Variants in FARP1 observed in about 807,000 individuals in gnomAD.
FARP1 encodes FERM, ARHGEF and pleckstrin domain-containing protein 1.
A neutral mutation model predicts 128.8 loss-of-function variants in FARP1; 52 were observed. That is an observed-to-expected ratio of 0.40 (90% CI 0.32 to 0.51). The LOEUF (loss-of-function observed/expected upper bound fraction) is 0.51. Ranked by LOEUF, FARP1 falls within the 20% of genes least tolerant of loss-of-function variation. The pLI is 0.45. For missense variants in FARP1, 1,333 were observed against 1,367.9 expected, an observed-to-expected ratio of 0.97 and a Z score of 0.40; for synonymous variants, 580 against 551.8, an observed-to-expected ratio of 1.05 and a Z score of -0.72.
chr13:98,314,567 C>T (rs184894213), intron 2 of FARP1, among the ~76,000 whole-genome samples: 254 of 152,222 alleles, frequency 1.7e-3, no homozygotes, highest in Middle Eastern at 0.01. Context: ...CATGAGCCAC[C>T]GTGCCCAGCC....
At chr13:98,433,431 T>G (rs759543593) in intron 18 of FARP1, 1 of 152,122 alleles carries the variant, frequency 6.6e-6, no homozygotes, top group Non-Finnish European at 1.5e-5. Flanking sequence ...CATCTGTCTT[T>G]AAAACAAACC....
At chr13:98,388,587 C>T in intron 9 of FARP1, 109 bp downstream of exon 9, 3 of 797,372 alleles carry the variant, frequency 3.8e-6, no homozygotes, top group Non-Finnish European at 6.5e-6. Context: ...CTGGCCAGTG[C>T]TACCCAGGTG....
At chr13:98,213,451 A>G in intron 2 of FARP1, 38 bp downstream of exon 2, 1 of 1,600,444 alleles carries the variant, frequency 6.2e-7, no homozygotes, top group Non-Finnish European at 8.5e-7. Context: ...GGAGTGTGGT[A>G]GGGGACAGCC....
At chr13:98,323,895 A>G (rs114071471) in intron 2 of FARP1, among the ~76,000 whole-genome samples, 1,614 of 152,298 alleles carry the variant, frequency 0.011, 29 homozygotes, top group African/African-American at 0.036. Context: ...TTTAAAGCCT[A>G]TATGAGGAAG....
At chr13:98,178,270 A>G (rs1343180171) in intron 1 of FARP1, among the ~76,000 whole-genome samples, 1 of 140,252 alleles carries the variant, frequency 7.1e-6, no homozygotes, top group Non-Finnish European at 1.5e-5. Flanking sequence ...ATCCCGGCTC[A>G]CTGCAACCTC....
chr13:98,221,506 C>T (rs943144249), intron 2 of FARP1, among the ~76,000 whole-genome samples: 1 of 152,180 alleles, frequency 6.6e-6, no homozygotes, highest in African/African-American at 2.4e-5. Context: ...AAGAACCAAG[C>T]ACCACTTGGA....
intron 3 of FARP1, among the ~76,000 whole-genome samples, chr13:98,363,608 A>G (rs1888962531): frequency 2.0e-5 from 3 of 152,102 alleles, no homozygotes; most frequent in South Asian, 4.2e-4. Context: ...GCAACTCCAG[A>G]CCGCTCCTAT....
Position 98,380,648 on chromosome 13 carries a change from A to G in FARP1, c.496+2730A>G, listed in dbSNP as rs552692856. Among the ~76,000 whole-genome samples the G allele has an allele frequency of 2.6e-5, 4 of 152,088 alleles. No individual in the cohort carries two copies. The East Asian group carries it at 7.7e-4, about 29-fold the overall frequency. ...GAGCGTAGTCTCTCAATCATGGCTC[A>G]CTGCAGCCTCGACCTCCTGGAATCA... On this transcript the variant is annotated intron_variant, in intron 6 of 26. Coordinates refer to ENST00000319562, the MANE Select transcript of FARP1 (RefSeq NM_005766.4).
chr13:98,175,657 C>T (rs1227398831), intron 1 of FARP1: 1 of 158,796 alleles, frequency 6.3e-6, no homozygotes, highest in Non-Finnish European at 1.4e-5. Context: ...AACTCAAGCT[C>T]TGTACCCATT....
At chr13:98,222,890 C>T (rs1195260814) in intron 2 of FARP1, among the ~76,000 whole-genome samples, 1 of 151,474 alleles carries the variant, frequency 6.6e-6, no homozygotes, top group Admixed American at 6.6e-5. Context: ...GCTGCCTTGG[C>T]CTCCTAAAGT....
intron 16 of FARP1, among the ~76,000 whole-genome samples, chr13:98,417,455 G>GAAAAAAAAAAAA (rs869304302): frequency 6.8e-5 from 4 of 58,452 alleles, no homozygotes; most frequent in African/African-American, 2.3e-4. Flanking sequence ...CCAGAGGTTT[G>GAAAAAAAAAAAA]AAAAAAAAAA....
chr13:98,384,626 C>T, intron 6 of FARP1, 104 bp from the exon 7 acceptor site: 1 of 687,052 alleles, frequency 1.5e-6, no homozygotes, highest in Non-Finnish European at 2.6e-6. Context: ...CAACTGGGCT[C>T]ACCTTATGTT....
intron 1 of FARP1, among the ~76,000 whole-genome samples, chr13:98,165,364 GA>G (rs1176443677): frequency 6.6e-6 from 1 of 151,952 alleles, no homozygotes; most frequent in Non-Finnish European, 1.5e-5. Context: ...AACAGTTTTT[GA>G]GGAGAAATGT....
At chr13:98,264,762 A>T (rs562932039) in intron 2 of FARP1, among the ~76,000 whole-genome samples, 1 of 152,336 alleles carries the variant, frequency 6.6e-6, no homozygotes, top group Non-Finnish European at 1.5e-5. Context: ...AATAGTAGGA[A>T]TTTTTATTCT....
chr13:98,214,361 G>A (rs2139331743), intron 2 of FARP1, among the ~76,000 whole-genome samples: 1 of 152,146 alleles, frequency 6.6e-6, no homozygotes, highest in East Asian at 1.9e-4. Context: ...AGTATTTTGG[G>A]TTTTCTGTCT....
At chr13:98,337,106 C>T (rs576860604) in intron 2 of FARP1, among the ~76,000 whole-genome samples, 1 of 152,274 alleles carries the variant, frequency 6.6e-6, no homozygotes, top group South Asian at 2.1e-4. Context: ...CTGGCTGACA[C>T]CTATAATCCT....
chr13:98,210,248 CT>C (rs1389248606), intron 1 of FARP1, among the ~76,000 whole-genome samples: 1 of 152,036 alleles, frequency 6.6e-6, no homozygotes, highest in Admixed American at 6.6e-5. Flanking sequence ...GAAGTGCCCC[CT>C]GGGGGTCTCT....
chr13:98,411,888 T>G lies in FARP1; in HGVS notation c.1693-13T>G, dbSNP rs199594543. ...TCTTTCCACCCGTAAGTGCATCGTC[T>G]TCTTCTTTCCAGTGGTTTCAGAGCA... On this transcript the variant is annotated splice_polypyrimidine_tract_variant and intron_variant, in intron 15 of 26. Transcript: ENST00000319562. 230 of 1,613,144 alleles carry G rather than the reference T, an allele frequency of 1.4e-4. No homozygotes were observed. Among genetic ancestry groups the G allele is most frequent in the Middle Eastern group, 3.3e-4 (2 of 6,048 alleles).
intron 1 of FARP1, among the ~76,000 whole-genome samples, chr13:98,191,328 T>C (rs1164996616): frequency 6.6e-6 from 1 of 152,234 alleles, no homozygotes; most frequent in Non-Finnish European, 1.5e-5. Flanking sequence ...GGCTTCAGAA[T>C]ATACTTGTCA....
Sources: gnomAD v4.1 joint callset for allele counts (sites outside exome capture counted in the v4.1 genomes callset) on GRCh38, gnomAD v4.1.1 for gene constraint, MANE v1.5 for transcripts, NCBI Gene and HGNC (gene_info 2026-07-23, HGNC 2026-07-21) for gene names.